Variants in DENND4A observed in about 807,000 individuals in gnomAD.
The protein encoded by DENND4A is DENN domain containing 4A.
DENND4A carries 70 observed loss-of-function variants against 199.3 expected under a neutral mutation model. The ratio of observed to expected loss-of-function variants is 0.35; its 90% CI spans 0.29 to 0.43. DENND4A has a LOEUF of 0.43. Among genes scored for constraint, DENND4A ranks in the 20% least tolerant of loss-of-function variants. The pLI, the probability that DENND4A is intolerant of heterozygous loss-of-function variation, is 1.00. For missense variants in DENND4A, 1,723 were observed against 2,255.8 expected (o/e 0.76, Z 4.78); for synonymous variants, 686 against 766.9 (o/e 0.89, Z 1.74).
In DENND4A at chr15:65,709,778, T is replaced by C. The variant is rs1170170440; in HGVS notation, c.1954-3554A>G. Among the ~76,000 whole-genome samples the C allele has an allele frequency of 2.7e-5, 4 of 147,920 alleles. No homozygotes were observed. In the East Asian group the frequency reaches 8.1e-4, roughly 30 times the overall value. ...ACTTTATTTTCTCTAATAAGTCTCT[T>C]GAATTATAACAAAGCAAATACAAGT... On this transcript the variant is annotated intron_variant, in intron 14 of 32. Transcript: ENST00000443035.
chr15:65,772,061 G>T, intron 1 of DENND4A: 1 of 1,275,354 alleles, frequency 7.8e-7, no homozygotes, highest in Non-Finnish European at 1.1e-6. Context: ...GGAAACGCTG[G>T]GCCTTCTCGC....
intron 11 of DENND4A, among the ~76,000 whole-genome samples, chr15:65,727,452 CA>C (rs35066518): frequency 0.25 from 17,389 of 68,884 alleles, 1,259 homozygotes; most frequent in East Asian, 0.63. Flanking sequence ...GACTCCGTCT[CA>C]AAAAAAAAAA....
chr15:65,665,462 T>C lies in DENND4A; in HGVS notation c.5242A>G (p.Ile1748Val). ...SSEHCNKYSKIPRHCMSEDSK... is the reference protein window; with the variant it reads ...SSEHCNKYSKVPRHCMSEDSK... Reference sequence around the variant, plus strand: ...TCTTCAGACATACAGTGGCGGGGAATCTGTGTTATACAATAAACATTCATT... The same window carrying C: ...TCTTCAGACATACAGTGGCGGGGAACCTGTGTTATACAATAAACATTCATT... Residue 1748 changes from isoleucine (I) to valine (V), a missense_variant and splice_region_variant, in exon 30 of 33, where the codon ATT (isoleucine) becomes GTT (valine). By Grantham distance (29) the Ile-to-Val change is conservative. This residue lies in a region of DENND4A where 164 missense variants were observed against 280.1 expected (regional missense o/e 0.59). Coordinates refer to ENST00000443035, the MANE Select transcript of DENND4A (RefSeq NM_001320835.1). The C allele has an allele frequency of 6.2e-7, 1 of 1,607,070 alleles. No homozygotes were observed. Among genetic ancestry groups the C allele is most frequent in the Non-Finnish European group, 8.5e-7 (1 of 1,174,506 alleles).
At chr15:65,711,926 T>C (rs2075263781) in intron 14 of DENND4A, among the ~76,000 whole-genome samples, 1 of 152,196 alleles carries the variant, frequency 6.6e-6, no homozygotes, top group South Asian at 2.1e-4. Flanking sequence ...CTGGTAGTAA[T>C]TGCTCTAGGG....
rs779985646 is a variant in DENND4A, at chr15:65,676,549, T to C, written c.4265A>G (p.His1422Arg). 3.1e-6 allele frequency: 5 copies of C among 1,613,770 alleles called. No individual in the cohort carries two copies. Among genetic ancestry groups the C allele is most frequent in the South Asian group, 1.1e-5 (1 of 91,038 alleles). Residue 1422 changes from histidine (H) to arginine (R), a missense_variant, in exon 24 of 33, where the codon CAT becomes CGT. By Grantham distance (29) the His-to-Arg change is conservative (BLOSUM62 0). Transcript: ENST00000443035. ...AGAGGAGATAGGTCCTTCCAACTCA[T>C]GGCAGACATCTTCATCTGTTAAAGA... ...STSLTDEDVC[H>R]ELEGPISSQE...
rs1384000887 is a variant in DENND4A, at chr15:65,669,873, T to C, written c.4693A>G (p.Ile1565Val). Residue 1565 changes from isoleucine (I) to valine (V), a missense_variant, in exon 27 of 33, where the codon ATT (isoleucine) becomes GTT (valine). Around this residue, in one of 6 missense-constraint regions of DENND4A, gnomAD observed 141 missense variants for 170.7 expected, o/e 0.83. Transcript: ENST00000443035. ...CAAGACTGCCTCGTCTGACTTGAAA[T>C]GGAGGATGGAAAGTGCATATTTTCT... ...STENMHFPSS[I>V]SSQTRQSCIS... is the part of the protein sequence containing the mutation. 8.1e-6 allele frequency: 13 copies of C among 1,613,778 alleles called. No individual in the cohort carries two copies. In the East Asian group the frequency reaches 2.9e-4, roughly 36 times the overall value.
chr15:65,762,855 G>A (rs1394126064), intron 1 of DENND4A, among the ~76,000 whole-genome samples: 2 of 152,096 alleles, frequency 1.3e-5, no homozygotes, highest in East Asian at 3.9e-4. Flanking sequence ...GGAGGTTGGG[G>A]GTATCCTGGA....
chr15:65,739,877 T>C (rs898725616), intron 5 of DENND4A, among the ~76,000 whole-genome samples: 1 of 152,078 alleles, frequency 6.6e-6, no homozygotes, highest in Non-Finnish European at 1.5e-5. Flanking sequence ...ATAAAGTAAG[T>C]ATAGAAATAG....
chr15:65,757,889 G>A (rs2076750760), intron 2 of DENND4A, among the ~76,000 whole-genome samples: 2 of 152,120 alleles, frequency 1.3e-5, no homozygotes, highest in African/African-American at 4.8e-5. Context: ...GCTGAGGCAG[G>A]AGAATCGCTT....
intron 14 of DENND4A, among the ~76,000 whole-genome samples, chr15:65,710,582 AC>A (rs2075216359): frequency 3.3e-5 from 5 of 152,212 alleles, no homozygotes; most frequent in Admixed American, 3.3e-4. Context: ...ATCTTTATAT[AC>A]AAAAAAAAAC....
chr15:65,755,326 T>C (rs550553974), intron 3 of DENND4A, among the ~76,000 whole-genome samples: 107 of 152,344 alleles, frequency 7.0e-4, no homozygotes, highest in African/African-American at 2.5e-3. Flanking sequence ...GTTGCAAAAC[T>C]CTGAAAATAC....
rs1233465776 is a variant in DENND4A, at chr15:65,685,563, G to A, written c.4179+4852C>T. ...GGGTTGGTATTTGCACATAACCTAT[G>A]CACATCCTCCTGTACAAGTTAAATC... On this transcript the variant is annotated intron_variant, in intron 23 of 32. Coordinates refer to ENST00000443035, the MANE Select transcript of DENND4A (RefSeq NM_001320835.1). Among the ~76,000 whole-genome samples, 6 of 152,124 alleles carry A rather than the reference G, an allele frequency of 3.9e-5. No individual in the cohort carries two copies. In the East Asian group the frequency reaches 9.6e-4, roughly 24 times the overall value.
intron 12 of DENND4A, chr15:65,719,443 T>G (rs1452622775): frequency 4.0e-5 from 6 of 151,892 alleles, no homozygotes; most frequent in African/African-American, 1.5e-4. Context: ...AACATGTAAT[T>G]TTATAGTAGA....
intron 1 of DENND4A, chr15:65,771,458 T>C: frequency 6.2e-7 from 1 of 1,605,490 alleles, no homozygotes; most frequent in Non-Finnish European, 8.5e-7. Flanking sequence ...TTTAATAGTT[T>C]GCCCTGTTCC....
rs1180390144 is a variant in DENND4A at position 65,715,630 on chromosome 15, A to G, written c.1808-7T>C. 1 of 1,536,712 alleles carries G rather than the reference A, an allele frequency of 6.5e-7. No individual in the cohort carries two copies. The highest frequency in any genetic ancestry group is 8.7e-7 in the Non-Finnish European group (1 of 1,144,368). On this transcript the variant is annotated splice_polypyrimidine_tract_variant and splice_region_variant and intron_variant, in intron 13 of 32. Coordinates refer to ENST00000443035, the MANE Select transcript of DENND4A (RefSeq NM_001320835.1). ...TCCCGGCTTCTTAAGAAAGCTGTTC[A>G]ACAAAAATATATAATGTCAGAATAC...
rs1349462760 is a variant in DENND4A, at chr15:65,771,511, C to T, written c.-101-10073G>A. The stretch of plus-strand genomic sequence containing the variant: ...AATAAGGAGGATTACAGACCATCAA[C>T]TGGCTTAATAATGACACGAGGATCA... On this transcript the variant is annotated intron_variant, in intron 1 of 32. Transcript: ENST00000443035. The T allele has an allele frequency of 4.3e-6, 7 of 1,611,398 alleles. No individual in the cohort carries two copies. In the East Asian group the frequency reaches 1.3e-4, roughly 31 times the overall value.
intron 1 of DENND4A, among the ~76,000 whole-genome samples, chr15:65,762,506 G>A (rs1455334341): frequency 1.3e-5 from 2 of 151,978 alleles, no homozygotes; most frequent in Non-Finnish European, 2.9e-5. Context: ...GCACGTGCCT[G>A]TAGTCTCAGC....
At position 65,661,620 on chromosome 15, in the gene DENND4A, A is replaced by G; in HGVS notation, c.*231T>C. On this transcript the variant is annotated 3_prime_UTR_variant, in exon 33 of 33. Coordinates refer to ENST00000443035, the MANE Select transcript of DENND4A (RefSeq NM_001320835.1). ...TCATCACAAAAATACTTTATTTCCTATTACAGGGGAGTTAAAGAAGAAGAA... is the reference window on the plus strand; with the variant it reads ...TCATCACAAAAATACTTTATTTCCTGTTACAGGGGAGTTAAAGAAGAAGAA... The G allele has an allele frequency of 2.9e-6, 1 of 340,846 alleles. No homozygotes were observed. The highest frequency in any genetic ancestry group is 5.3e-6 in the Non-Finnish European group (1 of 189,550). The allele number at this position is 340,846 out of a possible 1,614,324, so 21.1% of individuals were successfully genotyped here.
In DENND4A at chr15:65,697,330, C is replaced by G; in HGVS notation, c.2887G>C (p.Gly963Arg). 3.1e-6 allele frequency: 5 copies of G among 1,608,514 alleles called. No individual in the cohort carries two copies. The highest frequency in any genetic ancestry group is 2.5e-6 in the Non-Finnish European group (3 of 1,177,594). The change falls in exon 21 of 33, where the codon GGG (glycine) becomes CGG (arginine). Residue 963 changes from glycine (G) to arginine (R), a missense_variant. Coordinates refer to ENST00000443035, the MANE Select transcript of DENND4A (RefSeq NM_001320835.1). ...NSLSKDEVRRGDTSTEDIQEE... is the reference protein window; with the variant it reads ...NSLSKDEVRRRDTSTEDIQEE... ...TGAATGTCTTCAGTAGATGTATCCC[C>G]TCTTCTAACTTCATCTTTAGATAAT... is the stretch of plus-strand genomic sequence containing the variant.
Sources: gnomAD v4.1 joint callset for allele counts (sites outside exome capture counted in the v4.1 genomes callset) on GRCh38, gnomAD v4.1.1 for gene constraint, gnomAD v4.1.1 regional missense constraint, MANE v1.5 for transcripts, NCBI Gene and HGNC (gene_info 2026-07-23, HGNC 2026-07-21) for gene names.